CWC27: variants seen among roughly 807,000 people sequenced by gnomAD.
CWC27 encodes spliceosome-associated protein CWC27 homolog.
A neutral mutation model predicts 63.6 loss-of-function variants in CWC27; 47 were observed. That is an observed-to-expected ratio of 0.74 (90% confidence interval 0.58 to 0.94). The LOEUF (loss-of-function observed/expected upper bound fraction) is 0.94, where lower values mean the gene tolerates loss of function less well. Ranked by LOEUF, CWC27 falls within the 40% of genes least tolerant of loss-of-function variation. The pLI is 0.00. For synonymous variants in CWC27, 175 were observed against 179.8 expected, an observed-to-expected ratio of 0.97 and a Z score of 0.22; for missense variants, 495 against 554.3, an observed-to-expected ratio of 0.89 and a Z score of 1.07.
At chr5:64,804,489 CATA>C in intron 10 of CWC27, 103 bp downstream of exon 10, 1 of 1,188,728 alleles carries the variant, frequency 8.4e-7, no homozygotes, top group Non-Finnish European at 1.1e-6. Flanking sequence ...ATACTATTTT[CATA>C]ATGTTTGATA....
chr5:64,795,347 A>C (rs1267328772), intron 7 of CWC27, among the ~76,000 whole-genome samples: 2 of 152,192 alleles, frequency 1.3e-5, no homozygotes. Context: ...TATTTTATTA[A>C]TTTCGTATTA....
At chr5:64,841,471 C>G (rs1745833776) in intron 10 of CWC27, among the ~76,000 whole-genome samples, 2 of 152,258 alleles carry the variant, frequency 1.3e-5, no homozygotes, top group African/African-American at 2.4e-5. Context: ...TCTAGATTCC[C>G]TCTCTCAGTG....
intron 13 of CWC27, among the ~76,000 whole-genome samples, chr5:65,008,217 C>T (rs1189937118): frequency 6.6e-6 from 1 of 152,208 alleles, no homozygotes; most frequent in Non-Finnish European, 1.5e-5. Flanking sequence ...GTTAGTAATA[C>T]ACCAGAGTAG....
rs918470300 is a variant in CWC27 at position 64,825,477 on chromosome 5, T to C, written c.938+21091T>C. 3.3e-5 allele frequency among the ~76,000 whole-genome samples: 5 copies of C among 152,312 alleles called. No homozygotes were observed. The East Asian group carries it at 5.8e-4, about 18-fold the overall frequency. On this transcript the variant is annotated intron_variant, in intron 10 of 13. Transcript: ENST00000381070. Reference sequence around the variant, plus strand: ...GTCCTTGAGATATATGTTTACATGATCTGTATTAGTATGGCTTGAAATCAT... The same window carrying C: ...GTCCTTGAGATATATGTTTACATGACCTGTATTAGTATGGCTTGAAATCAT...
chr5:64,769,445 C>A (rs1006310200), intron 1 of CWC27, among the ~76,000 whole-genome samples: 11 of 152,308 alleles, frequency 7.2e-5, no homozygotes, highest in Non-Finnish European at 1.0e-4. Flanking sequence ...CCAACTCATG[C>A]AGCCGATTTC....
intron 12 of CWC27, among the ~76,000 whole-genome samples, chr5:64,974,269 A>T (rs566406107): frequency 6.6e-6 from 1 of 152,098 alleles, no homozygotes; most frequent in Admixed American, 6.5e-5. Context: ...TTTACTTTTA[A>T]GCTATAGTGT....
rs368163970 is a variant in CWC27, at chr5:64,992,012, T to G, written c.1256+14774T>G. ...TTGACTAAAGTAAGTATATATCCTT[T>G]TCGTGCTTTTTCACTCTAACTCTTC... On this transcript the variant is annotated intron_variant, in intron 13 of 13. Coordinates refer to ENST00000381070, the MANE Select transcript of CWC27 (RefSeq NM_005869.4). Among the ~76,000 whole-genome samples the G allele has an allele frequency of 3.2e-4, 48 of 152,276 alleles. No individual in the cohort carries two copies. In the South Asian group the frequency reaches 9.7e-3, roughly 31 times the overall value.
chr5:65,004,584 G>T (rs1749794087), intron 13 of CWC27, among the ~76,000 whole-genome samples: 1 of 150,588 alleles, frequency 6.6e-6, no homozygotes. Flanking sequence ...TTTTCATTCA[G>T]ATCATGAATT....
At chr5:64,807,806 A>C in intron 10 of CWC27, 1 of 1,534,862 alleles carries the variant, frequency 6.5e-7, no homozygotes, top group South Asian at 1.2e-5. Flanking sequence ...TTATGAAATG[A>C]GAGTAAATTT....
intron 10 of CWC27, among the ~76,000 whole-genome samples, chr5:64,880,168 T>C (rs1334933352): frequency 6.6e-6 from 1 of 152,008 alleles, no homozygotes; most frequent in Non-Finnish European, 1.5e-5. Flanking sequence ...AATGCTTCAA[T>C]CATTTATTTG....
intron 13 of CWC27, among the ~76,000 whole-genome samples, chr5:64,986,598 C>T (rs569960754): frequency 1.4e-3 from 210 of 152,180 alleles, no homozygotes; most frequent in Non-Finnish European, 2.3e-3. Flanking sequence ...GAAGAGATTG[C>T]AAAGAACTGG....
chr5:64,869,575 A>G (rs905850471), intron 10 of CWC27, among the ~76,000 whole-genome samples: 3 of 152,084 alleles, frequency 2.0e-5, no homozygotes, highest in Non-Finnish European at 2.9e-5. Context: ...GCAGTGACCT[A>G]GGAATGAGTC....
intron 13 of CWC27, among the ~76,000 whole-genome samples, chr5:65,004,449 G>C (rs1027187193): frequency 6.1e-5 from 8 of 132,134 alleles, no homozygotes; most frequent in African/African-American, 2.3e-4. Context: ...TTCAAATTCA[G>C]AAATTCTTTC....
intron 10 of CWC27, among the ~76,000 whole-genome samples, chr5:64,815,411 C>T (rs1051414312): frequency 4.6e-5 from 7 of 152,294 alleles, no homozygotes; most frequent in South Asian, 2.1e-4. Flanking sequence ...GCTCTTAAAG[C>T]GTCTGCTTCG....
intron 13 of CWC27, among the ~76,000 whole-genome samples, chr5:64,988,039 T>C (rs1409714766): frequency 1.3e-5 from 2 of 152,204 alleles, no homozygotes; most frequent in Non-Finnish European, 2.9e-5. Context: ...TTCTTCTCTA[T>C]TCTAGGACTC....
intron 11 of CWC27, among the ~76,000 whole-genome samples, chr5:64,920,863 A>C (rs1376418803): frequency 1.3e-5 from 2 of 151,814 alleles, no homozygotes; most frequent in East Asian, 3.9e-4. Flanking sequence ...TTGTTAATCT[A>C]CCTAGGGGTC....
chr5:64,992,995 G>A (rs1749565436), intron 13 of CWC27, among the ~76,000 whole-genome samples: 1 of 152,160 alleles, frequency 6.6e-6, no homozygotes, highest in Non-Finnish European at 1.5e-5. Context: ...ACAGTGGGCT[G>A]TCTAATCAGA....
intron 10 of CWC27, among the ~76,000 whole-genome samples, chr5:64,847,379 A>G (rs1243405035): frequency 6.6e-6 from 1 of 152,232 alleles, no homozygotes; most frequent in East Asian, 1.9e-4. Context: ...GAGCATCTAA[A>G]TATATAAAAC....
intron 3 of CWC27, among the ~76,000 whole-genome samples, chr5:64,783,518 C>A (rs1217370589): frequency 6.6e-6 from 1 of 152,140 alleles, no homozygotes; most frequent in Non-Finnish European, 1.5e-5. Context: ...TAGAAGATTT[C>A]AAAAGCATAG....
Sources: allele counts gnomAD v4.1 joint callset (sites outside exome capture counted in the v4.1 genomes callset), GRCh38; gene constraint gnomAD v4.1.1; transcripts MANE v1.5; gene names NCBI Gene and HGNC (gene_info 2026-07-23, HGNC 2026-07-21).